Variants in UGP2 observed in about 807,000 individuals in gnomAD.
The protein encoded by UGP2 is UTP--glucose-1-phosphate uridylyltransferase.
Under a neutral mutation model 49.0 loss-of-function variants are expected in UGP2, and 40 were observed. The observed-to-expected ratio is 0.82, with a 90% CI of 0.63 to 1.06. The LOEUF (loss-of-function observed/expected upper bound fraction) is 1.06. UGP2 is among the 50% of genes least tolerant of loss of function. UGP2 has a pLI of 0.00. For synonymous variants in UGP2, 225 were observed against 213.0 expected (o/e 1.06, Z -0.49); for missense variants, 460 against 603.5 (o/e 0.76, Z 2.49).
At chr2:63,885,974 T>C in intron 6 of UGP2, 88 bp downstream of exon 6, 2 of 1,365,000 alleles carry the variant, frequency 1.5e-6, no homozygotes, top group South Asian at 1.6e-5. Context: ...TGAAAGTTTC[T>C]ATGTTAAACA....
intron 3 of UGP2, among the ~76,000 whole-genome samples, chr2:63,875,325 A>G (rs1397083333): frequency 6.6e-6 from 1 of 152,178 alleles, no homozygotes; most frequent in Non-Finnish European, 1.5e-5. Flanking sequence ...CAATAATCAT[A>G]CCCTTGTGAA....
At chr2:63,857,608 G>A in intron 2 of UGP2, 1 of 573,230 alleles carries the variant, frequency 1.7e-6, no homozygotes, top group South Asian at 1.5e-5. Context: ...CAAACGATCA[G>A]CTGGCCTGAG....
In UGP2 at chr2:63,848,159, C is replaced by G. The variant is rs796582652; in HGVS notation, c.19+5955C>G. Among the ~76,000 whole-genome samples, 96 of 152,240 alleles carry G rather than the reference C, an allele frequency of 6.3e-4. 1 individual carries two copies. Among genetic ancestry groups the G allele is most frequent in the African/African-American group, 2.2e-3 (90 of 41,550 alleles). On this transcript the variant is annotated intron_variant, in intron 1 of 9. Coordinates refer to ENST00000337130, the MANE Select transcript of UGP2 (RefSeq NM_006759.4). Reference sequence around the variant, plus strand: ...ATGAGAAAATATGATTCAGTTACTACCTTTTTGGTTGGATAGAATCTCTTT... The same window carrying G: ...ATGAGAAAATATGATTCAGTTACTAGCTTTTTGGTTGGATAGAATCTCTTT...
At chr2:63,866,355 C>A (rs983712093) in intron 3 of UGP2, among the ~76,000 whole-genome samples, 3 of 152,256 alleles carry the variant, frequency 2.0e-5, no homozygotes, top group Admixed American at 6.5e-5. Context: ...TTTCATGATT[C>A]TATGCTTGCA....
intron 3 of UGP2, among the ~76,000 whole-genome samples, chr2:63,876,052 AAGGC>A: frequency 1.3e-5 from 2 of 152,030 alleles, no homozygotes; most frequent in South Asian, 4.2e-4. Context: ...GGGAAAGTGG[AAGGC>A]AGGCCTAAAA....
chr2:63,887,795 T>A (rs1003003914), intron 8 of UGP2, 151 bp downstream of exon 8: 48 of 1,015,106 alleles, frequency 4.7e-5, no homozygotes, highest in South Asian at 1.8e-5. Flanking sequence ...GAATTGACCA[T>A]AGAAGATAAA....
At chr2:63,849,742 T>A (rs1015671434) in intron 1 of UGP2, among the ~76,000 whole-genome samples, 1 of 152,202 alleles carries the variant, frequency 6.6e-6, no homozygotes, top group African/African-American at 2.4e-5. Context: ...TCCAGAAGAA[T>A]GAGAAACAGG....
At position 63,890,153 on chromosome 2, in the gene UGP2, G is replaced by A; in HGVS notation, c.1387G>A (p.Asp463Asn). The A allele has an allele frequency of 6.2e-7, 1 of 1,611,344 alleles. No individual in the cohort carries two copies. The highest frequency in any genetic ancestry group is 2.2e-5 in the East Asian group (1 of 44,776). ...ATTGGATCACCTCACAGTTTCAGGAGATGTGACATTTGGAAAAAATGTTTC... is the reference window on the plus strand; with the variant it reads ...ATTGGATCACCTCACAGTTTCAGGAAATGTGACATTTGGAAAAAATGTTTC... ...LELDHLTVSG[D>N]VTFGKNVSLK... Residue 463 changes from aspartate (D) to asparagine (N), a missense_variant, in exon 9 of 10, where the codon GAT becomes AAT. By Grantham distance (23) the Asp-to-Asn change is conservative. This residue lies in a region of UGP2 where 317 missense variants were observed against 473.0 expected (regional missense o/e 0.67). Transcript: ENST00000337130.
chr2:63,886,822 A>T (rs79733570), intron 7 of UGP2, among the ~76,000 whole-genome samples: 1 of 152,204 alleles, frequency 6.6e-6, no homozygotes, highest in Non-Finnish European at 1.5e-5. Context: ...TCTGACACTC[A>T]TAGGTCATTT....
chr2:63,849,821 CCT>C (rs1668922160), intron 1 of UGP2, among the ~76,000 whole-genome samples: 1 of 152,140 alleles, frequency 6.6e-6, no homozygotes, highest in South Asian at 2.1e-4. Flanking sequence ...TCTCTGGGCC[CCT>C]GTTTCTTTAT....
At chr2:63,889,463 A>G (rs1671926079) in intron 8 of UGP2, 1 of 152,270 alleles carries the variant, frequency 6.6e-6, no homozygotes, top group Admixed American at 6.5e-5. Flanking sequence ...AAGCAGTCCA[A>G]TTCCAGTACT....
Position 63,842,061 on chromosome 2 carries a change from G to C in UGP2, c.-125G>C. 4 of 1,226,200 alleles carry C rather than the reference G, an allele frequency of 3.3e-6. No individual in the cohort carries two copies. Among genetic ancestry groups the C allele is most frequent in the Non-Finnish European group, 1.1e-6 (1 of 890,118 alleles). 76.0% of individuals were successfully genotyped at this position (1,226,200 alleles called of 1,614,324 possible). A position where few individuals can be genotyped will look rare whatever the true frequency, so the allele number is the denominator to read the frequency against. ...CTTTGAATAAATACTCCCTTAAGTAGTTAAATATAGGAGGAGAAAGAATAC... is the reference window on the plus strand; with the variant it reads ...CTTTGAATAAATACTCCCTTAAGTACTTAAATATAGGAGGAGAAAGAATAC... On this transcript the variant is annotated 5_prime_UTR_variant, in exon 1 of 10. Coordinates refer to ENST00000337130, the MANE Select transcript of UGP2 (RefSeq NM_006759.4).
At chr2:63,891,090 G>A in intron 9 of UGP2, 30 bp from the exon 10 acceptor site, 1 of 1,581,662 alleles carries the variant, frequency 6.3e-7, no homozygotes. Context: ...TCAGTTGCAA[G>A]TACACTCTTT....
In UGP2 at chr2:63,885,744, A is replaced by G; in HGVS notation, c.731A>G (p.Lys244Arg). The G allele has an allele frequency of 6.2e-7, 1 of 1,614,016 alleles. No individual in the cohort carries two copies. The highest frequency in any genetic ancestry group is 8.5e-7 in the Non-Finnish European group (1 of 1,179,962). Residue 244 changes from lysine (K) to arginine (R), a missense_variant, in exon 6 of 10, where the codon AAA (lysine) becomes AGA (arginine). Physicochemically the swap from Lys to Arg is conservative, Grantham distance 26. Transcript: ENST00000337130. Reference sequence around the variant, plus strand: ...CTTGATACCTTTATAGGAGAAGGCAAAGAGTATATTTTTGTGTCTAACATA... The same window carrying G: ...CTTGATACCTTTATAGGAGAAGGCAGAGAGTATATTTTTGTGTCTAACATA... ...GLLDTFIGEG[K>R]EYIFVSNIDN... is the part of the protein sequence containing the mutation.
chr2:63,863,356 C>A (rs938393448), intron 3 of UGP2, among the ~76,000 whole-genome samples: 5 of 152,022 alleles, frequency 3.3e-5, no homozygotes, highest in East Asian at 1.9e-4. Context: ...TTGTTTTTTT[C>A]ATCTGGGTTT....
chr2:63,866,562 G>A (rs1164318328), intron 3 of UGP2, among the ~76,000 whole-genome samples: 1 of 152,114 alleles, frequency 6.6e-6, no homozygotes, highest in Non-Finnish European at 1.5e-5. Context: ...AAAATCAGGG[G>A]TAGATACTCC....
intron 3 of UGP2, among the ~76,000 whole-genome samples, chr2:63,861,537 A>G (rs959140505): frequency 6.9e-6 from 1 of 145,532 alleles, no homozygotes; most frequent in Non-Finnish European, 1.5e-5. Flanking sequence ...TTTTTTTTTT[A>G]GTTAGCTGTG....
intron 1 of UGP2, among the ~76,000 whole-genome samples, chr2:63,850,033 T>C (rs1321073456): frequency 2.0e-5 from 3 of 152,238 alleles, no homozygotes; most frequent in Non-Finnish European, 4.4e-5. Flanking sequence ...TTCTCATCCA[T>C]TAAACATAAA....
chr2:63,863,348 G>GT (rs1431327593), intron 3 of UGP2, among the ~76,000 whole-genome samples: 2 of 151,896 alleles, frequency 1.3e-5, no homozygotes, highest in Non-Finnish European at 2.9e-5. Flanking sequence ...CTTATTTCTT[G>GT]TTTTTTTCAT....
Sources: allele counts gnomAD v4.1 joint callset (sites outside exome capture counted in the v4.1 genomes callset), GRCh38; gene constraint gnomAD v4.1.1; regional missense constraint gnomAD v4.1.1; transcripts MANE v1.5; gene names NCBI Gene and HGNC (gene_info 2026-07-23, HGNC 2026-07-21).